The following TRAK1 variants were observed in gnomAD, a reference collection of about 807,000 sequenced individuals.
TRAK1 encodes the protein trafficking kinesin protein 1.
TRAK1 carries 33 observed loss-of-function variants against 92.1 expected under a neutral mutation model. The observed-to-expected ratio is 0.36, with a 90% CI of 0.27 to 0.48. The LOEUF is 0.48. Among genes scored for constraint, TRAK1 ranks in the 20% least tolerant of loss-of-function variants. The pLI is 0.99. For synonymous variants in TRAK1, 521 were observed against 517.3 expected, an observed-to-expected ratio of 1.01 and a Z score of -0.10; for missense variants, 1,123 against 1,257.9, an observed-to-expected ratio of 0.89 and a Z score of 1.62.
chr3:42,069,217 A>T (rs1053258096), intron 1 of TRAK1, among the ~76,000 whole-genome samples: 5 of 151,906 alleles, frequency 3.3e-5, no homozygotes, highest in African/African-American at 1.2e-4. Flanking sequence ...CTGTAGTCTC[A>T]GCTACAGGTG....
At chr3:42,116,722 A>G (rs1378563590) in intron 1 of TRAK1, among the ~76,000 whole-genome samples, 1 of 152,100 alleles carries the variant, frequency 6.6e-6, no homozygotes, top group African/African-American at 2.4e-5. Flanking sequence ...CTGCCTCCCC[A>G]AGCATAGCCA....
At chr3:42,066,882 G>T (rs1210488072) in intron 1 of TRAK1, among the ~76,000 whole-genome samples, 1 of 152,150 alleles carries the variant, frequency 6.6e-6, no homozygotes, top group South Asian at 2.1e-4. Context: ...TGGGGGGAGG[G>T]ATGATGTGCT....
chr3:42,047,552 G>A (rs2148909512), intron 1 of TRAK1, among the ~76,000 whole-genome samples: 1 of 134,730 alleles, frequency 7.4e-6, no homozygotes, highest in East Asian at 2.0e-4. Context: ...GTGGACTTAA[G>A]ATTTACTTTT....
At chr3:42,038,803 G>GTTTTTTTTTT (rs35147167) in intron 1 of TRAK1, among the ~76,000 whole-genome samples, 1 of 96,766 alleles carries the variant, frequency 1.0e-5, no homozygotes, top group African/African-American at 4.5e-5. Flanking sequence ...AAAAAAAAAA[G>GTTTTTTTTTT]TTTTTTTTTT....
At chr3:42,105,893 C>A (rs932999791) in intron 1 of TRAK1, among the ~76,000 whole-genome samples, 24 of 152,292 alleles carry the variant, frequency 1.6e-4, no homozygotes, top group African/African-American at 5.5e-4. Context: ...GAATTTTCAA[C>A]CCAGAATTTC....
chr3:42,157,869 A>AGTAAATG (rs1165994541), intron 2 of TRAK1, among the ~76,000 whole-genome samples: 1 of 152,218 alleles, frequency 6.6e-6, no homozygotes, highest in Non-Finnish European at 1.5e-5. Context: ...AGAAAGAGAA[A>AGTAAATG]GTAAATGTAG....
chr3:42,187,207 A>C (rs1347341197), intron 4 of TRAK1, among the ~76,000 whole-genome samples: 1 of 152,178 alleles, frequency 6.6e-6, no homozygotes, highest in Non-Finnish European at 1.5e-5. Context: ...GGGCTTGTCC[A>C]GGAGCCTTGT....
chr3:42,203,316 C>T, intron 13 of TRAK1: 1 of 989,108 alleles, frequency 1.0e-6, no homozygotes, highest in Non-Finnish European at 1.2e-6. Context: ...GAGCGCGGCT[C>T]CTAGAGTCTA....
intron 1 of TRAK1, among the ~76,000 whole-genome samples, chr3:42,124,030 C>T (rs1266848635): frequency 2.0e-5 from 3 of 151,738 alleles, no homozygotes; most frequent in East Asian, 3.9e-4. Flanking sequence ...CCTGGCTACT[C>T]GGGAGGCCAA....
intron 2 of TRAK1, among the ~76,000 whole-genome samples, chr3:42,143,377 G>A (rs1015051306): frequency 2.0e-5 from 3 of 148,854 alleles, no homozygotes; most frequent in Non-Finnish European, 3.0e-5. Flanking sequence ...CACTTATTGA[G>A]AAGTGGAAAA....
intron 1 of TRAK1, among the ~76,000 whole-genome samples, chr3:42,050,191 G>C (rs1477890840): frequency 7.2e-6 from 1 of 138,498 alleles, no homozygotes; most frequent in Non-Finnish European, 1.6e-5. Flanking sequence ...GGGTGGGGGG[G>C]TGTGAGAGTC....
intron 1 of TRAK1, among the ~76,000 whole-genome samples, chr3:42,045,610 G>A (rs769599038): frequency 5.9e-5 from 9 of 152,206 alleles, no homozygotes; most frequent in Non-Finnish European, 1.0e-4. Flanking sequence ...CTAGGTGGTG[G>A]GAAAACACCC....
At chr3:42,151,503 C>T in intron 2 of TRAK1, 1 of 349,838 alleles carries the variant, frequency 2.9e-6, no homozygotes, top group Admixed American at 3.8e-5. Flanking sequence ...AAATACTTGT[C>T]CTTTATCATC....
At chr3:42,047,113 T>C (rs529637841) in intron 1 of TRAK1, among the ~76,000 whole-genome samples, 1 of 152,082 alleles carries the variant, frequency 6.6e-6, no homozygotes, top group African/African-American at 2.4e-5. Context: ...AAAGCTGTTC[T>C]AAAAATGCAT....
At chr3:42,069,811 G>T (rs1195882414) in intron 1 of TRAK1, among the ~76,000 whole-genome samples, 1 of 151,798 alleles carries the variant, frequency 6.6e-6, no homozygotes, top group Non-Finnish European at 1.5e-5. Context: ...TTACATCTTT[G>T]TATGCAGTTA....
At chr3:42,153,721 A>T (rs1700215709) in intron 2 of TRAK1, among the ~76,000 whole-genome samples, 1 of 152,190 alleles carries the variant, frequency 6.6e-6, no homozygotes, top group South Asian at 2.1e-4. Flanking sequence ...GTCACCCAAG[A>T]TGGCGGTGGC....
At chr3:42,127,555 C>G (rs1301053862) in intron 2 of TRAK1, among the ~76,000 whole-genome samples, 1 of 151,822 alleles carries the variant, frequency 6.6e-6, no homozygotes, top group Non-Finnish European at 1.5e-5. Context: ...GAGATGGGGT[C>G]TCCCTATGTT....
chr3:42,168,926 C>A (rs1225873860), intron 2 of TRAK1, among the ~76,000 whole-genome samples: 2 of 152,142 alleles, frequency 1.3e-5, no homozygotes, highest in African/African-American at 4.8e-5. Flanking sequence ...CAGGTTCAAG[C>A]GATTCTCCTG....
intron 2 of TRAK1, chr3:42,160,159 G>A (rs986384327): frequency 3.8e-6 from 5 of 1,302,386 alleles, no homozygotes; most frequent in Non-Finnish European, 4.9e-6. Context: ...CCCCCTTCCG[G>A]GTCCTGCCCG....
Sources: gnomAD v4.1 joint callset for allele counts (sites outside exome capture counted in the v4.1 genomes callset) on GRCh38, gnomAD v4.1.1 for gene constraint, MANE v1.5 for transcripts, NCBI Gene and HGNC (gene_info 2026-07-23, HGNC 2026-07-21) for gene names.